The following AR variants were observed in gnomAD, a reference collection of about 807,000 sequenced individuals.
AR encodes the protein dihydrotestosterone receptor.
AR carries 8 observed loss-of-function variants against 53.9 expected under a neutral mutation model. The observed-to-expected ratio is 0.15, with a 90% confidence interval of 0.09 to 0.27. AR has a LOEUF of 0.27. Among genes scored for constraint, AR ranks in the 10% least tolerant of loss-of-function variants. The pLI, the probability that AR is intolerant of heterozygous loss-of-function variation, is 1.00. For missense variants in AR, 639 were observed against 742.5 expected (o/e 0.86, Z 1.62); for synonymous variants, 359 against 316.4 (o/e 1.13, Z -1.43).
intron 1 of AR, among the ~76,000 whole-genome samples, chrX:67,611,770 A>T (rs1444893032): frequency 9.0e-6 from 1 of 111,625 alleles, no homozygotes. Flanking sequence ...TTCTCTGCAG[A>T]TGAAAAGAAG....
At chrX:67,716,841 A>G (rs1258941316) in intron 4 of AR, among the ~76,000 whole-genome samples, 1 of 111,793 alleles carries the variant, frequency 8.9e-6, no homozygotes, top group Non-Finnish European at 1.9e-5. Flanking sequence ...TGTGGGGGAA[A>G]TGATTGTTAA....
chrX:67,567,560 G>T (rs746853709), intron 1 of AR, among the ~76,000 whole-genome samples: 1 of 111,273 alleles, frequency 9.0e-6, no homozygotes, highest in East Asian at 2.9e-4. Flanking sequence ...TTTCCCTCTA[G>T]CTGGACTGAG....
chrX:67,630,236 G>A (rs1351345277), intron 1 of AR, among the ~76,000 whole-genome samples: 1 of 110,648 alleles, frequency 9.0e-6, no homozygotes, highest in Admixed American at 9.6e-5. Context: ...TTGACAGTGG[G>A]GTGTTAAAGT....
chrX:67,690,046 T>C (rs1478942616), intron 3 of AR, among the ~76,000 whole-genome samples: 3 of 111,658 alleles, frequency 2.7e-5, no homozygotes, highest in African/African-American at 9.8e-5. Context: ...TAGTAAATGG[T>C]GTTGGTCCCT....
intron 2 of AR, among the ~76,000 whole-genome samples, chrX:67,644,085 C>A (rs753754505): frequency 8.9e-6 from 1 of 112,469 alleles, no homozygotes; most frequent in South Asian, 3.7e-4. Context: ...TTGGCTCAAG[C>A]CCTAGCTCCT....
At chrX:67,621,986 G>A (rs745352532) in intron 1 of AR, among the ~76,000 whole-genome samples, 2 of 111,705 alleles carry the variant, frequency 1.8e-5, no homozygotes, top group South Asian at 7.5e-4. Context: ...GTGTGATCTT[G>A]AAGAAATCAA....
chrX:67,678,491 C>T (rs761487930), intron 2 of AR, among the ~76,000 whole-genome samples: 1 of 111,710 alleles, frequency 9.0e-6, no homozygotes, highest in South Asian at 3.7e-4. Flanking sequence ...TCATTAAAGG[C>T]TATATAGTAT....
chrX:67,728,613 A>G lies in AR; in HGVS notation c.*4772A>G, dbSNP rs1317292018. ...TATATATATATATATATATATATAT[A>G]TAGTGTGTGTGTGTGTTCTGATAGC... On this transcript the variant is annotated 3_prime_UTR_variant, in exon 8 of 8. Coordinates refer to ENST00000374690, the MANE Select transcript of AR (RefSeq NM_000044.6). 1 of 100,418 alleles carries G rather than the reference A, an allele frequency of 1.0e-5. No homozygotes were observed. The highest frequency in any genetic ancestry group is 2.0e-5 in the Non-Finnish European group (1 of 51,246). The allele number at this position is 100,418 out of a possible 1,213,427, so 8.3% of individuals were successfully genotyped here.
chrX:67,600,414 T>C (rs1182388694), intron 1 of AR, among the ~76,000 whole-genome samples: 1 of 110,939 alleles, frequency 9.0e-6, no homozygotes, highest in Non-Finnish European at 1.9e-5. Context: ...CTGGAAATTA[T>C]TATATTAAGT....
At position 67,728,612 on chromosome X, in the gene AR, TATA is replaced by T. The variant is rs1240847949; in HGVS notation, c.*4772_*4774del. 1 of 99,595 alleles carries T rather than the reference TATA, an allele frequency of 1.0e-5. No individual in the cohort carries two copies. The highest frequency in any genetic ancestry group is 3.9e-5 in the African/African-American group (1 of 25,751). The allele number at this position is 99,595 out of a possible 1,213,427, so 8.2% of individuals were successfully genotyped here. A position where few individuals can be genotyped will look rare whatever the true frequency, so the allele number is the denominator to read the frequency against. ...ATATATATATATATATATATATATA[TATA>T]GTGTGTGTGTGTGTTCTGATAGCTT... On this transcript the variant is annotated 3_prime_UTR_variant, in exon 8 of 8. Transcript: ENST00000374690.
intron 1 of AR, among the ~76,000 whole-genome samples, chrX:67,567,838 C>T (rs1455088091): frequency 9.0e-6 from 1 of 111,645 alleles, no homozygotes; most frequent in African/African-American, 3.3e-5. Flanking sequence ...AAAGTGTAGC[C>T]GTTTTGATTA....
chrX:67,696,849 G>A (rs1048857736), intron 3 of AR, among the ~76,000 whole-genome samples: 10 of 111,264 alleles, frequency 9.0e-5, no homozygotes, highest in African/African-American at 1.6e-4. Flanking sequence ...TATTCAACCC[G>A]ATGAAATATA....
At chrX:67,678,223 A>G (rs1300987883) in intron 2 of AR, among the ~76,000 whole-genome samples, 1 of 111,646 alleles carries the variant, frequency 9.0e-6, no homozygotes. Context: ...GTGGCCTGAC[A>G]AGAGAAGTTC....
Position 67,728,089 on chromosome X carries a change from G to A in AR, c.*4248G>A. ...GATACCAAAATTCATAAGGGCAGGG[G>A]GGGAGCAAGCATTAGTGCCTCTTTG... On this transcript the variant is annotated 3_prime_UTR_variant, in exon 8 of 8. Transcript: ENST00000374690. 5.7e-6 allele frequency: 1 copy of A among 174,579 alleles called. No homozygotes were observed. The highest frequency in any genetic ancestry group is 8.1e-5 in the East Asian group (1 of 12,334). 14.4% of individuals were successfully genotyped at this position (174,579 alleles called of 1,213,427 possible).
intron 1 of AR, among the ~76,000 whole-genome samples, chrX:67,578,587 CT>C (rs1161499071): frequency 9.0e-6 from 1 of 111,727 alleles, no homozygotes; most frequent in Non-Finnish European, 1.9e-5. Context: ...GTGCAAGTTA[CT>C]TTGTTTCTCT....
At chrX:67,687,356 T>C (rs1480430306) in intron 3 of AR, among the ~76,000 whole-genome samples, 1 of 112,078 alleles carries the variant, frequency 8.9e-6, no homozygotes, top group Non-Finnish European at 1.9e-5. Flanking sequence ...CAGAACAAAG[T>C]ACCTCACATG....
intron 1 of AR, among the ~76,000 whole-genome samples, chrX:67,628,993 G>C (rs2147409574): frequency 9.0e-6 from 1 of 111,679 alleles, no homozygotes; most frequent in African/African-American, 3.3e-5. Context: ...AAGCCCACTT[G>C]ATCATGGTGG....
intron 3 of AR, among the ~76,000 whole-genome samples, chrX:67,689,338 G>GAGGGC (rs2075983565): frequency 9.0e-6 from 1 of 111,036 alleles, no homozygotes; most frequent in South Asian, 3.9e-4. Flanking sequence ...TCAGAGAGTG[G>GAGGGC]AGGGCAGAAG....
At chrX:67,547,672 G>C (rs776496698) in intron 1 of AR, among the ~76,000 whole-genome samples, 2 of 112,158 alleles carry the variant, frequency 1.8e-5, no homozygotes, top group Non-Finnish European at 3.8e-5. Context: ...TTTTTGTAAA[G>C]CATTTCCTGC....
Sources: allele counts gnomAD v4.1 joint callset (sites outside exome capture counted in the v4.1 genomes callset), GRCh38; gene constraint gnomAD v4.1.1; transcripts MANE v1.5; gene names NCBI Gene and HGNC (gene_info 2026-07-23, HGNC 2026-07-21).